The following ARL9 variants were observed in gnomAD, a reference collection of about 807,000 sequenced individuals.
ARL9 encodes ARF like GTPase 9, also known as ADP-ribosylation factor-like protein 9.
A neutral mutation model predicts 27.0 loss-of-function variants in ARL9; 14 were observed. That is an observed-to-expected ratio of 0.52 (90% CI 0.34 to 0.81). The LOEUF (loss-of-function observed/expected upper bound fraction) is 0.81, where lower values mean the gene tolerates loss of function less well. Among genes scored for constraint, ARL9 ranks in the 30% least tolerant of loss-of-function variants. The pLI is 0.01. For missense variants in ARL9, 294 were observed against 290.0 expected (o/e 1.01, Z -0.10); for synonymous variants, 106 against 108.7 (o/e 0.98, Z 0.15).
chr4:56,523,672 T>A (rs527564655), intron 3 of ARL9, 25 bp from the exon 4 acceptor site: 1 of 1,591,788 alleles, frequency 6.3e-7, no homozygotes, highest in Non-Finnish European at 8.6e-7. Context: ...AACTTTGTCC[T>A]ATTCTTATTC....
In ARL9 at chr4:56,505,827, C is replaced by T; in HGVS notation, c.-36C>T. The T allele has an allele frequency of 7.8e-7, 1 of 1,279,020 alleles. No homozygotes were observed. The highest frequency in any genetic ancestry group is 9.9e-7 in the Non-Finnish European group (1 of 1,014,960). 79.2% of individuals were successfully genotyped at this position (1,279,020 alleles called of 1,614,324 possible). ...CCAGAGCCACCGCTCAGCACGCGGGCACGCGGCGGGAGGGAAGGAAACCGC... is the reference window on the plus strand; with the variant it reads ...CCAGAGCCACCGCTCAGCACGCGGGTACGCGGCGGGAGGGAAGGAAACCGC... On this transcript the variant is annotated 5_prime_UTR_variant, in exon 1 of 4. Coordinates refer to ENST00000640821, the MANE Select transcript of ARL9 (RefSeq NM_001363794.2).
At chr4:56,513,285 G>T (rs1721687834) in intron 2 of ARL9, among the ~76,000 whole-genome samples, 1 of 152,312 alleles carries the variant, frequency 6.6e-6, no homozygotes, top group Admixed American at 6.5e-5. Context: ...AACACTTGGA[G>T]TATGTTGGGG....
At chr4:56,506,975 G>C (rs1010237411) in intron 1 of ARL9, among the ~76,000 whole-genome samples, 8 of 151,954 alleles carry the variant, frequency 5.3e-5, no homozygotes, top group Non-Finnish European at 1.0e-4. Flanking sequence ...TTGTATTTTT[G>C]TGCAGAGCTG....
At chr4:56,510,291 G>T (rs1417968839) in intron 1 of ARL9, among the ~76,000 whole-genome samples, 1 of 149,688 alleles carries the variant, frequency 6.7e-6, no homozygotes, top group African/African-American at 2.5e-5. Flanking sequence ...GGAGGCGGAG[G>T]TTGCAGTGAG....
At chr4:56,518,991 A>G (rs1318471806) in intron 3 of ARL9, 138 bp downstream of exon 3, 5 of 827,732 alleles carry the variant, frequency 6.0e-6, no homozygotes, top group Non-Finnish European at 9.2e-6. Context: ...GATTATAAAC[A>G]CCTTGAGGGT....
intron 1 of ARL9, among the ~76,000 whole-genome samples, chr4:56,509,473 T>A (rs1218519375): frequency 1.3e-5 from 2 of 152,092 alleles, no homozygotes; most frequent in African/African-American, 4.8e-5. Flanking sequence ...GTGCTGGGAT[T>A]ACAGATGAGA....
intron 3 of ARL9, among the ~76,000 whole-genome samples, chr4:56,520,996 G>A (rs958634434): frequency 6.6e-6 from 1 of 152,114 alleles, no homozygotes; most frequent in Admixed American, 6.6e-5. Flanking sequence ...TGGATCAGGA[G>A]GTCAGGAGTT....
upstream of ARL9, chr4:56,505,407 A>T: frequency 2.2e-6 from 1 of 457,624 alleles, no homozygotes; most frequent in South Asian, 1.5e-5. Flanking sequence ...GGTTCTTCAC[A>T]CAGGCTGGCC....
chr4:56,510,167 G>A (rs1481510002), intron 1 of ARL9, among the ~76,000 whole-genome samples: 2 of 151,780 alleles, frequency 1.3e-5, no homozygotes, highest in Admixed American at 1.3e-4. Flanking sequence ...AGACCAGCCT[G>A]ACCAACATGG....
At chr4:56,513,562 A>G (rs1221641213) in intron 2 of ARL9, among the ~76,000 whole-genome samples, 1 of 152,054 alleles carries the variant, frequency 6.6e-6, no homozygotes, top group Non-Finnish European at 1.5e-5. Context: ...AAGTTAGACA[A>G]ATTTTCAAGG....
intron 1 of ARL9, among the ~76,000 whole-genome samples, chr4:56,508,859 TTAAGTC>T (rs1419079657): frequency 2.6e-5 from 4 of 152,184 alleles, no homozygotes; most frequent in African/African-American, 9.7e-5. Flanking sequence ...GAAATCTAGT[TTAAGTC>T]TAATGTCAAC....
Position 56,506,051 on chromosome 4 carries a change from GACAA to G in ARL9, c.195_198del (p.Asn65LysfsTer20), listed in dbSNP as rs368342138. ...AAAAGAGGACAAAGCAAGGGAAGGA[GACAA>G]ACAAAGAGAAGGAACAATTTAAGGG... On this transcript the variant is annotated frameshift_variant, in exon 1 of 4. Transcript: ENST00000640821. LOFTEE classifies it high-confidence loss of function. 2,506 of 1,232,408 alleles carry G rather than the reference GACAA, an allele frequency of 2.0e-3. 20 individuals are homozygous for G. The highest frequency in any genetic ancestry group is 0.019 in the African/African-American group (1,225 of 64,348). 76.3% of individuals were successfully genotyped at this position (1,232,408 alleles called of 1,614,324 possible).
chr4:56,505,868 G>A lies in ARL9; in HGVS notation c.6G>A (p.Glu2=). 3.9e-6 allele frequency: 5 copies of A among 1,270,882 alleles called. No homozygotes were observed. The highest frequency in any genetic ancestry group is 4.9e-6 in the Non-Finnish European group (5 of 1,010,408). 78.7% of individuals were successfully genotyped at this position (1,270,882 alleles called of 1,614,324 possible). A position where few individuals can be genotyped will look rare whatever the true frequency, so the allele number is the denominator to read the frequency against. The stretch of plus-strand genomic sequence containing the variant: ...AGGAAACCGCGGCGCTGGGGATGGA[G>A]AGGGGGAAAGTGAAGAAGAAAGAGA... M[E]RGKVKKKEKE... is the part of the protein sequence containing the mutation. The change falls in exon 1 of 4, where the codon GAG becomes GAA. Residue 2 remains glutamate (E), a synonymous_variant. Coordinates refer to ENST00000640821, the MANE Select transcript of ARL9 (RefSeq NM_001363794.2).
Position 56,505,837 on chromosome 4 carries a change from G to T in ARL9, c.-26G>T. 1 of 1,279,916 alleles carries T rather than the reference G, an allele frequency of 7.8e-7. No individual in the cohort carries two copies. The highest frequency in any genetic ancestry group is 2.9e-5 in the South Asian group (1 of 34,470). The allele number at this position is 1,279,916 out of a possible 1,614,324, so 79.3% of individuals were successfully genotyped here. A position where few individuals can be genotyped will look rare whatever the true frequency, so the allele number is the denominator to read the frequency against. On this transcript the variant is annotated 5_prime_UTR_variant, in exon 1 of 4. Coordinates refer to ENST00000640821, the MANE Select transcript of ARL9 (RefSeq NM_001363794.2). Reference sequence around the variant, plus strand: ...CGCTCAGCACGCGGGCACGCGGCGGGAGGGAAGGAAACCGCGGCGCTGGGG... The same window carrying T: ...CGCTCAGCACGCGGGCACGCGGCGGTAGGGAAGGAAACCGCGGCGCTGGGG...
chr4:56,515,377 T>C (rs949375707), intron 2 of ARL9, among the ~76,000 whole-genome samples: 5 of 152,130 alleles, frequency 3.3e-5, no homozygotes, highest in African/African-American at 9.7e-5. Flanking sequence ...TTTCCATTTA[T>C]GATAAAAATT....
intron 2 of ARL9, among the ~76,000 whole-genome samples, chr4:56,517,564 TTCTG>T (rs1266032961): frequency 6.6e-6 from 1 of 150,848 alleles, no homozygotes; most frequent in Non-Finnish European, 1.5e-5. Context: ...GAAAATGTTA[TTCTG>T]TCTTTTTTTT....
intron 3 of ARL9, among the ~76,000 whole-genome samples, chr4:56,519,229 G>A (rs1296458332): frequency 1.3e-5 from 2 of 152,150 alleles, no homozygotes; most frequent in African/African-American, 2.4e-5. Context: ...TTAAATATAT[G>A]TGGAGAATTT....
intron 2 of ARL9, among the ~76,000 whole-genome samples, chr4:56,511,595 C>T (rs529364095): frequency 6.6e-6 from 1 of 152,286 alleles, no homozygotes; most frequent in East Asian, 1.9e-4. Flanking sequence ...AGCACTCACT[C>T]CTATAATCTC....
chr4:56,508,686 A>G (rs1027564050), intron 1 of ARL9, among the ~76,000 whole-genome samples: 3 of 152,058 alleles, frequency 2.0e-5, no homozygotes, highest in Admixed American at 6.6e-5. Flanking sequence ...GCACCGGCCT[A>G]CTTTTTTTCA....
Sources: allele counts gnomAD v4.1 joint callset (sites outside exome capture counted in the v4.1 genomes callset), GRCh38; gene constraint gnomAD v4.1.1; transcripts MANE v1.5; gene names NCBI Gene and HGNC (gene_info 2026-07-23, HGNC 2026-07-21).